MACROD2: variants seen among roughly 807,000 people sequenced by gnomAD.
MACROD2 encodes the protein ADP-ribose glycohydrolase MACROD2.
MACROD2 carries 36 observed loss-of-function variants against 70.4 expected under a neutral mutation model. That is an observed-to-expected ratio of 0.51 (90% CI 0.39 to 0.68). MACROD2 has a LOEUF of 0.68. MACROD2 is among the 30% of genes least tolerant of loss of function. MACROD2 has a pLI of 0.00. For synonymous variants in MACROD2, 172 were observed against 178.8 expected, an observed-to-expected ratio of 0.96 and a Z score of 0.30; for missense variants, 496 against 538.4, an observed-to-expected ratio of 0.92 and a Z score of 0.78.
chr20:15,520,240 T>A (rs2047634257), intron 8 of MACROD2, among the ~76,000 whole-genome samples: 1 of 152,226 alleles, frequency 6.6e-6, no homozygotes, highest in Admixed American at 6.5e-5. Flanking sequence ...AAATCCACAC[T>A]GGGAAAGGAC....
chr20:15,010,667 A>AC (rs1227019427), intron 5 of MACROD2, among the ~76,000 whole-genome samples: 9 of 152,232 alleles, frequency 5.9e-5, no homozygotes, highest in Admixed American at 5.9e-4. Context: ...CCATTAGTTC[A>AC]CATACCCACC....
chr20:14,121,996 TCC>T (rs2054595412), intron 3 of MACROD2, among the ~76,000 whole-genome samples: 1 of 152,212 alleles, frequency 6.6e-6, no homozygotes, highest in African/African-American at 2.4e-5. Context: ...AATCATTTTT[TCC>T]CCTTTAATTT....
chr20:14,648,212 G>T (rs1389952021), intron 4 of MACROD2, among the ~76,000 whole-genome samples: 1 of 152,152 alleles, frequency 6.6e-6, no homozygotes, highest in Admixed American at 6.6e-5. Context: ...GGAACCTAAA[G>T]ATCAGAATGC....
chr20:15,040,919 A>T (rs182376986), intron 5 of MACROD2, among the ~76,000 whole-genome samples: 1 of 152,192 alleles, frequency 6.6e-6, no homozygotes, highest in Non-Finnish European at 1.5e-5. Context: ...AACTCCTTGT[A>T]TAGAGATAGT....
At chr20:14,111,776 A>G (rs560177701) in intron 3 of MACROD2, among the ~76,000 whole-genome samples, 8 of 152,166 alleles carry the variant, frequency 5.3e-5, no homozygotes, top group African/African-American at 1.9e-4. Context: ...GTAAGCTAGT[A>G]CAATCACTGT....
At chr20:15,284,028 G>C (rs557130923) in intron 6 of MACROD2, among the ~76,000 whole-genome samples, 3 of 152,168 alleles carry the variant, frequency 2.0e-5, no homozygotes, top group African/African-American at 4.8e-5. Context: ...CTAAAATATA[G>C]AATAGTTTAA....
intron 5 of MACROD2, among the ~76,000 whole-genome samples, chr20:14,877,831 T>A (rs1351294768): frequency 6.6e-6 from 1 of 152,130 alleles, no homozygotes; most frequent in Non-Finnish European, 1.5e-5. Context: ...GCCCATTTGA[T>A]CATGGTGAAT....
intron 5 of MACROD2, among the ~76,000 whole-genome samples, chr20:15,219,000 A>C (rs1157517935): frequency 6.6e-6 from 1 of 151,952 alleles, no homozygotes; most frequent in African/African-American, 2.4e-5. Flanking sequence ...GATCCGAGAT[A>C]GCGCCACTGC....
intron 5 of MACROD2, chr20:14,906,128 A>C (rs1293685196): frequency 6.6e-6 from 1 of 152,208 alleles, no homozygotes. Flanking sequence ...ATTCTTCACT[A>C]TAAAGTATAA....
intron 8 of MACROD2, among the ~76,000 whole-genome samples, chr20:15,519,625 G>A (rs181494945): frequency 2.0e-4 from 30 of 152,306 alleles, no homozygotes; most frequent in African/African-American, 6.0e-4. Context: ...TAAATAAGCC[G>A]TATATTTAAA....
At chr20:14,535,230 G>T (rs181671032) in intron 4 of MACROD2, among the ~76,000 whole-genome samples, 1 of 152,132 alleles carries the variant, frequency 6.6e-6, no homozygotes, top group African/African-American at 2.4e-5. Flanking sequence ...TTGGCTGGGC[G>T]CAGTGGCTCA....
chr20:14,334,884 A>T (rs933829151), intron 3 of MACROD2, among the ~76,000 whole-genome samples: 5 of 152,108 alleles, frequency 3.3e-5, no homozygotes, highest in African/African-American at 4.8e-5. Flanking sequence ...TTTTGCCATT[A>T]ATCAATCACA....
At chr20:14,305,139 A>C (rs1166769619) in intron 3 of MACROD2, among the ~76,000 whole-genome samples, 2 of 152,132 alleles carry the variant, frequency 1.3e-5, no homozygotes. Flanking sequence ...CTACCCTATA[A>C]AGATGCATGC....
At chr20:15,404,619 T>C (rs2045972697) in intron 6 of MACROD2, among the ~76,000 whole-genome samples, 1 of 152,324 alleles carries the variant, frequency 6.6e-6, no homozygotes, top group African/African-American at 2.4e-5. Context: ...TTCTGTCTCT[T>C]TGAGGTTTTT....
intron 5 of MACROD2, among the ~76,000 whole-genome samples, chr20:15,052,184 TTA>T (rs569065525): frequency 1.5e-3 from 225 of 152,304 alleles, no homozygotes; most frequent in African/African-American, 4.9e-3. Context: ...GGCTAGATAT[TTA>T]TATGTTTGTC....
Position 15,937,456 on chromosome 20 carries a change from G to A in MACROD2, c.839-20G>A, listed in dbSNP as rs377472488. ...CCGGAAGGATGAACTCTGAGGCAGT[G>A]TTTCTTTTCTGCTTTATAGATGGTG... On this transcript the variant is annotated intron_variant, in intron 11 of 17. Transcript: ENST00000684519. The A allele has an allele frequency of 8.7e-6, 14 of 1,612,686 alleles. No homozygotes were observed. The highest frequency in any genetic ancestry group is 1.2e-5 in the Non-Finnish European group (14 of 1,179,058).
Position 15,200,629 on chromosome 20 carries a change from C to T in MACROD2, c.419-29311C>T, listed in dbSNP as rs1000464766. 5.9e-5 allele frequency among the ~76,000 whole-genome samples: 9 copies of T among 152,088 alleles called. No homozygotes were observed. The South Asian group carries it at 6.2e-4, about 11-fold the overall frequency. On this transcript the variant is annotated intron_variant, in intron 5 of 17. Coordinates refer to ENST00000684519, the MANE Select transcript of MACROD2 (RefSeq NM_001351661.2). ...CAATCATTACAGTTTATTTAAACTC[C>T]GTGTGCTAGAAAGTTATAAAATGGC...
chr20:14,335,915 T>C (rs1360959261), intron 3 of MACROD2, among the ~76,000 whole-genome samples: 1 of 152,216 alleles, frequency 6.6e-6, no homozygotes, highest in Non-Finnish European at 1.5e-5. Flanking sequence ...TCTGATTTAA[T>C]TTTCCCATGG....
intron 3 of MACROD2, among the ~76,000 whole-genome samples, chr20:14,330,716 C>G (rs1256990664): frequency 6.6e-6 from 1 of 152,054 alleles, no homozygotes; most frequent in African/African-American, 2.4e-5. Context: ...AAAGTGCCCA[C>G]AGAGGAAAGT....
Sources: allele counts gnomAD v4.1 joint callset (sites outside exome capture counted in the v4.1 genomes callset), GRCh38; gene constraint gnomAD v4.1.1; transcripts MANE v1.5; gene names NCBI Gene and HGNC (gene_info 2026-07-23, HGNC 2026-07-21).